TAF1: variants seen among roughly 807,000 people sequenced by gnomAD.
The protein encoded by TAF1 is TATA-box binding protein associated factor 1.
In TAF1, 2 loss-of-function variants were observed where a neutral mutation model predicts 138.5. The ratio of observed to expected loss-of-function variants is 0.01; its 90% CI spans 0.01 to 0.05. The LOEUF (loss-of-function observed/expected upper bound fraction) is 0.05, where lower values mean the gene tolerates loss of function less well. Ranked by LOEUF, TAF1 falls within the 10% of genes least tolerant of loss-of-function variation. The pLI, the probability that TAF1 is intolerant of heterozygous loss-of-function variation, is 1.00. For missense variants in TAF1, 709 were observed against 1,478.0 expected (o/e 0.48, Z 8.53); for synonymous variants, 437 against 503.2 (o/e 0.87, Z 1.76).
intron 9 of TAF1, 112 bp from the exon 10 acceptor site, chrX:71,382,424 T>G: frequency 9.5e-7 from 1 of 1,049,533 alleles, no homozygotes; most frequent in Non-Finnish European, 1.3e-6. Context: ...AAGGTCTAGT[T>G]AAGACCTTCA....
At position 71,377,691 on chromosome X, in the gene TAF1, G is replaced by A. The variant is rs1411208291; in HGVS notation, c.803G>A (p.Arg268His). The A allele has an allele frequency of 7.4e-6, 9 of 1,209,724 alleles. No individual in the cohort carries two copies. The highest frequency in any genetic ancestry group is 3.0e-5 in the East Asian group (1 of 33,767). Reference protein sequence around the residue: ...SARRKRKKKHRELIQEEQIQE... With the variant: ...SARRKRKKKHHELIQEEQIQE... Reference sequence around the variant, plus strand: ...CGGAGAAAGAGGAAGAAGAAGCACCGTGAGCTGATACAGGAAGAGCAGATC... The same window carrying A: ...CGGAGAAAGAGGAAGAAGAAGCACCATGAGCTGATACAGGAAGAGCAGATC... The change falls in exon 6 of 38, where the codon CGT becomes CAT. Residue 268 changes from arginine to histidine, a missense_variant. Arg to His is a conservative substitution (Grantham distance 29). Around this residue, in one of 14 missense-constraint regions of TAF1, gnomAD observed 26 missense variants for 20.9 expected, o/e 1.25. Coordinates refer to ENST00000423759, the MANE Select transcript of TAF1 (RefSeq NM_004606.5).
chrX:71,378,537 T>C, intron 7 of TAF1, 84 bp downstream of exon 7: 1 of 1,080,781 alleles, frequency 9.3e-7, no homozygotes, highest in Non-Finnish European at 1.3e-6. Context: ...ATTGGGGAGA[T>C]ACTGGGTGGT....
chrX:71,398,460 A>G, intron 23 of TAF1, 112 bp from the exon 24 acceptor site: 3 of 1,019,034 alleles, frequency 2.9e-6, no homozygotes, highest in Non-Finnish European at 3.9e-6. Context: ...CTTTTATCTT[A>G]GCCTGGATGG....
rs889503777 is a variant in TAF1 at position 71,503,281 on chromosome X, T to A, written c.1367-25261T>A. On this transcript the variant is annotated intron_variant and NMD_transcript_variant, in intron 13 of 14. Transcript: ENST00000373775. The stretch of plus-strand genomic sequence containing the variant: ...GTGAGACTGTCTCAAAAAAAAAATA[T>A]ATATATATATATATGTGTATATATA... Among the ~76,000 whole-genome samples the A allele has an allele frequency of 4.3e-3, 396 of 92,393 alleles. 1 individual carries two copies. Among genetic ancestry groups the A allele is most frequent in the African/African-American group, 0.016 (366 of 22,845 alleles). 80.2% of individuals were successfully genotyped at this position (92,393 alleles called of 115,157 possible). A position where few individuals can be genotyped will look rare whatever the true frequency, so the allele number is the denominator to read the frequency against.
At chrX:71,427,026 C>T (rs762152063) in intron 32 of TAF1, among the ~76,000 whole-genome samples, 7 of 111,675 alleles carry the variant, frequency 6.3e-5, no homozygotes, top group South Asian at 7.4e-4. Context: ...GTAAGTAGTA[C>T]GGCTGTTAAG....
chrX:71,508,393 C>T (rs1289558848), intron 13 of TAF1, among the ~76,000 whole-genome samples: 2 of 107,565 alleles, frequency 1.9e-5, no homozygotes, highest in East Asian at 5.8e-4. Context: ...AGTTCAAGAC[C>T]AGCCTCGGCA....
At chrX:71,419,455 A>G (rs1181457566) in intron 28 of TAF1, among the ~76,000 whole-genome samples, 1 of 111,580 alleles carries the variant, frequency 9.0e-6, no homozygotes, top group African/African-American at 3.3e-5. Context: ...GAGAAGGGGA[A>G]TTTACACTGG....
chrX:71,431,183 C>CCA, intron 32 of TAF1, among the ~76,000 whole-genome samples: 1 of 108,175 alleles, frequency 9.2e-6, no homozygotes, highest in African/African-American at 3.4e-5. Context: ...CTGCCTCAGC[C>CCA]TCCCAAGTAG....
chrX:71,464,347 T>C lies in TAF1; in HGVS notation c.*301T>C. 1 of 373,183 alleles carries C rather than the reference T, an allele frequency of 2.7e-6. No homozygotes were observed. Among genetic ancestry groups the C allele is most frequent in the Non-Finnish European group, 4.6e-6 (1 of 218,154 alleles). 30.8% of individuals were successfully genotyped at this position (373,183 alleles called of 1,213,427 possible). A position where few individuals can be genotyped will look rare whatever the true frequency, so the allele number is the denominator to read the frequency against. On this transcript the variant is annotated 3_prime_UTR_variant, in exon 38 of 38. Transcript: ENST00000423759. ...ACTCCATTTATTGCTTTTGGTATAA[T>C]TTTTCCCTGGGGAAGGAGGGGAAAT... is the stretch of plus-strand genomic sequence containing the variant.
At chrX:71,446,397 C>A (rs1316998938) in intron 32 of TAF1, among the ~76,000 whole-genome samples, 2 of 111,591 alleles carry the variant, frequency 1.8e-5, no homozygotes, top group Non-Finnish European at 1.9e-5. Flanking sequence ...AAAAATTATT[C>A]CTGTAAAATT....
At chrX:71,429,167 C>T (rs1043666954) in intron 32 of TAF1, among the ~76,000 whole-genome samples, 8 of 109,668 alleles carry the variant, frequency 7.3e-5, no homozygotes, top group Admixed American at 3.9e-4. Context: ...CCCAGCTACT[C>T]GGGAGGCTGA....
Position 71,423,401 on chromosome X carries a change from T to G in TAF1, c.4575+162T>G, listed in dbSNP as rs748772457. ...TTGACCTTTTTGCTATATGGGTACATTATCTTTTTTTTTTAAGAGTACATT... is the reference window on the plus strand; with the variant it reads ...TTGACCTTTTTGCTATATGGGTACAGTATCTTTTTTTTTTAAGAGTACATT... On this transcript the variant is annotated intron_variant, in intron 30 of 37. Transcript: ENST00000423759. 45 of 473,583 alleles carry G rather than the reference T, an allele frequency of 9.5e-5. No homozygotes were observed. In the South Asian group the frequency reaches 4.4e-3, roughly 46 times the overall value. The allele number at this position is 473,583 out of a possible 1,213,427, so 39.0% of individuals were successfully genotyped here.
At chrX:71,450,442 A>ATC (rs1381000605) in intron 32 of TAF1, among the ~76,000 whole-genome samples, 3 of 111,606 alleles carry the variant, frequency 2.7e-5, no homozygotes, top group Middle Eastern at 9.3e-3. Context: ...GCCTCAAATG[A>ATC]TCTCCCCACC....
intron 32 of TAF1, among the ~76,000 whole-genome samples, chrX:71,438,137 G>T (rs1239686567): frequency 9.0e-6 from 1 of 110,843 alleles, no homozygotes; most frequent in Non-Finnish European, 1.9e-5. Flanking sequence ...ATGCCCAGCC[G>T]TCATTTTAAC....
chrX:71,408,740 A>G (rs994859396), intron 28 of TAF1, among the ~76,000 whole-genome samples: 4 of 106,411 alleles, frequency 3.8e-5, no homozygotes, highest in Admixed American at 2.0e-4. Flanking sequence ...AAAGAGAGAC[A>G]TTCGGCTGGG....
At chrX:71,504,620 G>A (rs1037879258) in intron 13 of TAF1, among the ~76,000 whole-genome samples, 5 of 105,896 alleles carry the variant, frequency 4.7e-5, no homozygotes, top group African/African-American at 1.7e-4. Flanking sequence ...CATGCCTGCA[G>A]TCCCAACTAC....
At chrX:71,419,871 A>T (rs1035178923) in intron 28 of TAF1, among the ~76,000 whole-genome samples, 14 of 110,604 alleles carry the variant, frequency 1.3e-4, no homozygotes, top group African/African-American at 4.3e-4. Flanking sequence ...CTCCTGCCCC[A>T]CTCCCTGGGC....
At chrX:71,374,123 G>A (rs1262948392) in intron 3 of TAF1, among the ~76,000 whole-genome samples, 1 of 107,457 alleles carries the variant, frequency 9.3e-6, no homozygotes, top group Non-Finnish European at 1.9e-5. Context: ...TCACTGTGTC[G>A]CCCAGGCTGG....
At chrX:71,407,904 G>C in intron 27 of TAF1, 70 bp from the exon 28 acceptor site, 1 of 1,151,131 alleles carries the variant, frequency 8.7e-7, no homozygotes, top group African/African-American at 1.8e-5. Flanking sequence ...TAGGTAAGAT[G>C]TGAAAGTCTT....
Sources: allele counts gnomAD v4.1 joint callset (sites outside exome capture counted in the v4.1 genomes callset), GRCh38; gene constraint gnomAD v4.1.1; regional missense constraint gnomAD v4.1.1; transcripts MANE v1.5; gene names NCBI Gene and HGNC (gene_info 2026-07-23, HGNC 2026-07-21).